Variants in ANKS1B observed in about 807,000 individuals in gnomAD.
The protein encoded by ANKS1B is ankyrin repeat and sterile alpha motif domain-containing protein 1B.
ANKS1B carries 36 observed loss-of-function variants against 148.3 expected under a neutral mutation model. The ratio of observed to expected loss-of-function variants is 0.24; its 90% confidence interval spans 0.19 to 0.32. The LOEUF is 0.32. Among genes scored for constraint, ANKS1B ranks in the 10% least tolerant of loss-of-function variants. The pLI is 1.00. For missense variants in ANKS1B, 1,157 were observed against 1,542.6 expected, an observed-to-expected ratio of 0.75 and a Z score of 4.19; for synonymous variants, 542 against 560.8, an observed-to-expected ratio of 0.97 and a Z score of 0.47.
chr12:99,687,673 G>A (rs1156570313), intron 8 of ANKS1B, among the ~76,000 whole-genome samples: 1 of 152,076 alleles, frequency 6.6e-6, no homozygotes, highest in Non-Finnish European at 1.5e-5. Flanking sequence ...AGTTCCACTT[G>A]AGTCATTTTT....
chr12:99,501,415 G>A (rs533515123), intron 10 of ANKS1B, among the ~76,000 whole-genome samples: 1 of 152,190 alleles, frequency 6.6e-6, no homozygotes, highest in Non-Finnish European at 1.5e-5. Flanking sequence ...TGATACCTGA[G>A]GGTATTAGTT....
At chr12:99,465,947 T>C (rs965923214) in intron 10 of ANKS1B, among the ~76,000 whole-genome samples, 3 of 152,150 alleles carry the variant, frequency 2.0e-5, no homozygotes, top group African/African-American at 4.8e-5. Flanking sequence ...GCAGACCTAA[T>C]AGACATCTAC....
intron 17 of ANKS1B, among the ~76,000 whole-genome samples, chr12:98,833,764 G>A (rs116109640): frequency 6.9e-4 from 104 of 151,766 alleles, no homozygotes; most frequent in African/African-American, 1.5e-3. Context: ...CTCCTTTGTC[G>A]TCCCCAGTGT....
chr12:99,503,381 T>A (rs1438870570), intron 10 of ANKS1B, among the ~76,000 whole-genome samples: 1 of 152,186 alleles, frequency 6.6e-6, no homozygotes, highest in Non-Finnish European at 1.5e-5. Context: ...TTCTCTATAT[T>A]CATAACCATG....
intron 10 of ANKS1B, among the ~76,000 whole-genome samples, chr12:99,474,288 A>G (rs1196719454): frequency 6.6e-6 from 1 of 152,116 alleles, no homozygotes. Context: ...TTATCTGTTC[A>G]TTAAGGTTTG....
At chr12:99,078,868 T>C (rs2048724314) in intron 16 of ANKS1B, among the ~76,000 whole-genome samples, 2 of 151,618 alleles carry the variant, frequency 1.3e-5, no homozygotes, top group Admixed American at 6.6e-5. Flanking sequence ...GGCAAAAAGA[T>C]GGGATGTCAC....
chr12:99,021,357 G>A (rs1484831206), intron 17 of ANKS1B, among the ~76,000 whole-genome samples: 1 of 152,066 alleles, frequency 6.6e-6, no homozygotes, highest in African/African-American at 2.4e-5. Context: ...AAATCTTTAT[G>A]AGACATAAGA....
At chr12:99,056,102 T>C (rs865988428) in intron 16 of ANKS1B, among the ~76,000 whole-genome samples, 6 of 152,174 alleles carry the variant, frequency 3.9e-5, no homozygotes, top group Non-Finnish European at 2.9e-5. Context: ...TACAGGGCAG[T>C]ATCATCCGCC....
intron 1 of ANKS1B, among the ~76,000 whole-genome samples, chr12:99,957,207 T>G (rs1192340513): frequency 6.6e-6 from 1 of 152,344 alleles, no homozygotes; most frequent in East Asian, 1.9e-4. Context: ...TCCTAGCTTC[T>G]CCTTTTAGCC....
chr12:98,804,006 A>G (rs2153602062), intron 20 of ANKS1B, among the ~76,000 whole-genome samples: 1 of 152,290 alleles, frequency 6.6e-6, no homozygotes, highest in South Asian at 2.1e-4. Context: ...TTTGATAACC[A>G]CTGGAAGAAA....
At chr12:98,841,111 C>G (rs201399) in intron 17 of ANKS1B, among the ~76,000 whole-genome samples, 132,368 of 152,234 alleles carry the variant, frequency 0.87, 57,569 homozygotes, top group East Asian at 1. Flanking sequence ...TTACTGCTAA[C>G]GAGGGTATTT....
chr12:99,184,448 C>T (rs1012004189), intron 14 of ANKS1B, among the ~76,000 whole-genome samples: 1 of 152,154 alleles, frequency 6.6e-6, no homozygotes, highest in African/African-American at 2.4e-5. Flanking sequence ...CTTAGGGCTA[C>T]AAGTTCATAT....
intron 15 of ANKS1B, among the ~76,000 whole-genome samples, chr12:99,089,665 A>G (rs957145988): frequency 6.6e-6 from 1 of 152,206 alleles, no homozygotes; most frequent in Non-Finnish European, 1.5e-5. Context: ...CCTCTTAGTC[A>G]AAGTTCATGA....
chr12:99,503,204 C>A (rs1199165315), intron 10 of ANKS1B, among the ~76,000 whole-genome samples: 1 of 152,202 alleles, frequency 6.6e-6, no homozygotes, highest in Non-Finnish European at 1.5e-5. Context: ...GGATTACAGG[C>A]ATGAGGTAGT....
intron 17 of ANKS1B, among the ~76,000 whole-genome samples, chr12:98,865,680 A>G (rs1373825884): frequency 6.6e-6 from 1 of 152,130 alleles, no homozygotes; most frequent in Non-Finnish European, 1.5e-5. Context: ...AGTGTTAAAC[A>G]TGGTGGTCAG....
intron 17 of ANKS1B, among the ~76,000 whole-genome samples, chr12:99,046,291 C>T (rs1164844416): frequency 1.3e-5 from 2 of 152,066 alleles, no homozygotes; most frequent in Admixed American, 6.6e-5. Context: ...AATCCAGCAT[C>T]CAACAAGGTA....
intron 8 of ANKS1B, among the ~76,000 whole-genome samples, chr12:99,692,057 T>C (rs1053332636): frequency 6.6e-5 from 10 of 152,328 alleles, no homozygotes; most frequent in South Asian, 2.1e-4. Flanking sequence ...TCAAATTCTG[T>C]GAAAATTTGT....
chr12:99,132,579 T>C (rs2066471883), intron 15 of ANKS1B, among the ~76,000 whole-genome samples: 1 of 151,702 alleles, frequency 6.6e-6, no homozygotes, highest in Admixed American at 6.6e-5. Context: ...ATATTGAAGG[T>C]GAGTAGTGAA....
chr12:98,981,326 GT>G (rs548173898), intron 17 of ANKS1B, among the ~76,000 whole-genome samples: 1 of 151,128 alleles, frequency 6.6e-6, no homozygotes, highest in African/African-American at 2.4e-5. Context: ...TTTTTCTTTT[GT>G]TTTTTGTTGT....
Sources: allele counts gnomAD v4.1 joint callset (sites outside exome capture counted in the v4.1 genomes callset), GRCh38; gene constraint gnomAD v4.1.1; transcripts MANE v1.5; gene names NCBI Gene and HGNC (gene_info 2026-07-23, HGNC 2026-07-21).